NCKAP5: variants seen among roughly 807,000 people sequenced by gnomAD.
The protein encoded by NCKAP5 is nck-associated protein 5.
In NCKAP5, 92 loss-of-function variants were observed where a neutral mutation model predicts 167.0. The observed-to-expected ratio is 0.55, with a 90% CI of 0.47 to 0.66. The LOEUF (loss-of-function observed/expected upper bound fraction) is 0.66, where lower values mean the gene tolerates loss of function less well. Among genes scored for constraint, NCKAP5 ranks in the 30% least tolerant of loss-of-function variants. The pLI is 0.00. For missense variants in NCKAP5, 2,378 were observed against 2,315.0 expected (o/e 1.03, Z -0.56); for synonymous variants, 891 against 877.4 (o/e 1.02, Z -0.27).
At chr2:133,230,253 C>T (rs2087083324) in intron 4 of NCKAP5, among the ~76,000 whole-genome samples, 1 of 152,138 alleles carries the variant, frequency 6.6e-6, no homozygotes, top group Non-Finnish European at 1.5e-5. Context: ...AAGGATGCCA[C>T]TGTAGTTATA....
At chr2:133,633,055 T>C in the NCKAP5 span, among the ~76,000 whole-genome samples, 1 of 152,148 alleles carries the variant, frequency 6.6e-6, no homozygotes. Context: ...CAAATCCTCA[T>C]AGAAACAAAT....
chr2:132,673,259 A>T lies in NCKAP5; in HGVS notation c.*30T>A. 1 of 1,510,596 alleles carries T rather than the reference A, an allele frequency of 6.6e-7. No individual in the cohort carries two copies. Among genetic ancestry groups the T allele is most frequent in the Non-Finnish European group, 8.8e-7 (1 of 1,132,426 alleles). 93.6% of individuals were successfully genotyped at this position (1,510,596 alleles called of 1,614,324 possible). The stretch of plus-strand genomic sequence containing the variant: ...GAATGACTCTAGGGAAATTTTCGAT[A>T]ATCTATTCTCGGGATCGTCTTTTGT... On this transcript the variant is annotated 3_prime_UTR_variant, in exon 20 of 20. Transcript: ENST00000409261.
At chr2:133,284,595 T>C (rs1574600907) in intron 4 of NCKAP5, 1 of 152,328 alleles carries the variant, frequency 6.6e-6, no homozygotes, top group East Asian at 1.9e-4. Context: ...GAGAAATTGC[T>C]AGGTTCCTGG....
chr2:132,748,122 A>G (rs1002837716), intron 16 of NCKAP5, among the ~76,000 whole-genome samples: 4 of 152,156 alleles, frequency 2.6e-5, no homozygotes, highest in Admixed American at 6.5e-5. Context: ...TGTCCCTGCT[A>G]TGTATCAGTT....
At chr2:132,767,333 G>A (rs1029344097) in intron 16 of NCKAP5, among the ~76,000 whole-genome samples, 7 of 151,702 alleles carry the variant, frequency 4.6e-5, no homozygotes, top group Admixed American at 6.6e-5. Context: ...CGCAACCTCC[G>A]CCTCCCAGAT....
chr2:132,904,384 C>T (rs1016872419), intron 8 of NCKAP5, among the ~76,000 whole-genome samples: 2 of 149,798 alleles, frequency 1.3e-5, no homozygotes, highest in Admixed American at 6.7e-5. Context: ...AAAATATATT[C>T]GATAACATAA....
chr2:133,388,790 G>C (rs1687185022), intron 3 of NCKAP5, among the ~76,000 whole-genome samples: 1 of 152,220 alleles, frequency 6.6e-6, no homozygotes, highest in African/African-American at 2.4e-5. Flanking sequence ...TCAGACTGCT[G>C]TGCTAGCAAT....
intron 3 of NCKAP5, among the ~76,000 whole-genome samples, chr2:133,316,741 C>A (rs1486255865): frequency 6.6e-6 from 1 of 152,074 alleles, no homozygotes; most frequent in Non-Finnish European, 1.5e-5. Context: ...ATGGGTGGTG[C>A]CCAGGATCTG....
intron 7 of NCKAP5, among the ~76,000 whole-genome samples, chr2:132,979,996 C>CT (rs1273323851): frequency 0.088 from 11,807 of 134,586 alleles, 1,153 homozygotes; most frequent in African/African-American, 0.25. Flanking sequence ...TTTTCTTTTT[C>CT]TTTTTTTTTT....
intron 3 of NCKAP5, among the ~76,000 whole-genome samples, chr2:133,326,458 C>CAAAAAAAAAAAA (rs34750625): frequency 3.9e-4 from 19 of 48,954 alleles, no homozygotes; most frequent in African/African-American, 1.1e-3. Context: ...TCAGTCTCAA[C>CAAAAAAAAAAAA]AAAAAAAAAA....
At chr2:133,426,698 T>C (rs919415317) in intron 3 of NCKAP5, among the ~76,000 whole-genome samples, 1 of 152,150 alleles carries the variant, frequency 6.6e-6, no homozygotes, top group Non-Finnish European at 1.5e-5. Context: ...CTTATTCAAG[T>C]ATGGAAATTC....
intron 8 of NCKAP5, among the ~76,000 whole-genome samples, chr2:132,895,346 CAA>C (rs563409400): frequency 0.087 from 6,281 of 71,822 alleles, 309 homozygotes; most frequent in African/African-American, 0.21. Flanking sequence ...GACTCTGTCT[CAA>C]AAAAAAAAAA....
chr2:133,167,643 A>G (rs115060163), intron 5 of NCKAP5, among the ~76,000 whole-genome samples: 14 of 152,298 alleles, frequency 9.2e-5, no homozygotes, highest in African/African-American at 3.4e-4. Flanking sequence ...CAACTGCACC[A>G]TGATACCCTG....
intron 19 of NCKAP5, among the ~76,000 whole-genome samples, chr2:132,683,986 C>A (rs1685607545): frequency 1.3e-5 from 2 of 152,198 alleles, no homozygotes; most frequent in South Asian, 4.1e-4. Flanking sequence ...AGGTACCACA[C>A]AGATGCTATT....
intron 8 of NCKAP5, among the ~76,000 whole-genome samples, chr2:132,962,421 A>T (rs565351020): frequency 5.9e-5 from 9 of 151,918 alleles, no homozygotes; most frequent in Non-Finnish European, 1.3e-4. Flanking sequence ...CAGGGATTCA[A>T]ATCAAACCCC....
chr2:133,279,258 C>T (rs1007976052), intron 4 of NCKAP5, among the ~76,000 whole-genome samples: 4 of 152,208 alleles, frequency 2.6e-5, no homozygotes, highest in Non-Finnish European at 5.9e-5. Context: ...TGTCACTTAA[C>T]TCATCCTTGG....
chr2:133,640,376 G>A, the NCKAP5 span, among the ~76,000 whole-genome samples: 830 of 152,298 alleles, frequency 5.4e-3, 7 homozygotes, highest in African/African-American at 0.018. Flanking sequence ...GAGAGGTATA[G>A]GACCCTTTGA....
chr2:133,205,291 T>TTAGA (rs36008566), intron 5 of NCKAP5, among the ~76,000 whole-genome samples: 3,911 of 149,738 alleles, frequency 0.026, 105 homozygotes, highest in African/African-American at 0.058. Flanking sequence ...GACTCTGAAA[T>TTAGA]TAGATAGATA....
intron 3 of NCKAP5, among the ~76,000 whole-genome samples, chr2:133,485,789 G>C (rs531217463): frequency 1.3e-5 from 2 of 152,216 alleles, no homozygotes; most frequent in African/African-American, 4.8e-5. Context: ...GGGGTGGGGA[G>C]GAGGGTGTCA....
Sources: allele counts gnomAD v4.1 joint callset (sites outside exome capture counted in the v4.1 genomes callset), GRCh38; gene constraint gnomAD v4.1.1; transcripts MANE v1.5; gene names NCBI Gene and HGNC (gene_info 2026-07-23, HGNC 2026-07-21).